HTR2C: variants seen among roughly 807,000 people sequenced by gnomAD.
HTR2C encodes 5-hydroxytryptamine receptor 2C.
In HTR2C, 5 loss-of-function variants were observed where a neutral mutation model predicts 21.0. The ratio of observed to expected loss-of-function variants is 0.24; its 90% CI spans 0.12 to 0.50. The LOEUF (loss-of-function observed/expected upper bound fraction) is 0.50, where lower values mean the gene tolerates loss of function less well. Ranked by LOEUF, HTR2C falls within the 20% of genes least tolerant of loss-of-function variation. HTR2C has a pLI of 0.98. For synonymous variants in HTR2C, 150 were observed against 145.3 expected (o/e 1.03, Z -0.23); for missense variants, 271 against 371.2 (o/e 0.73, Z 2.22).
chrX:114,687,899 AT>A (rs1159572863), intron 2 of HTR2C, among the ~76,000 whole-genome samples: 5 of 112,061 alleles, frequency 4.5e-5, no homozygotes, highest in African/African-American at 6.5e-5. Context: ...ATGGTTATAA[AT>A]ATTAAAACGG....
chrX:114,609,407 G>A (rs1277130165), intron 1 of HTR2C, among the ~76,000 whole-genome samples: 1 of 111,039 alleles, frequency 9.0e-6, no homozygotes, highest in African/African-American at 3.3e-5. Context: ...GAATATAATC[G>A]TTTTCGTTAT....
chrX:114,755,260 C>T (rs1163961114), intron 4 of HTR2C, among the ~76,000 whole-genome samples: 3 of 106,975 alleles, frequency 2.8e-5, no homozygotes, highest in Non-Finnish European at 3.9e-5. Flanking sequence ...AAAAAAAACA[C>T]GGAAATTTAT....
chrX:114,752,000 C>T (rs2069764601), intron 4 of HTR2C, among the ~76,000 whole-genome samples: 2 of 111,845 alleles, frequency 1.8e-5, no homozygotes, highest in African/African-American at 6.5e-5. Context: ...AAGACTAAGA[C>T]CGTTAAACTT....
intron 4 of HTR2C, among the ~76,000 whole-genome samples, chrX:114,814,120 A>T (rs2070560146): frequency 1.8e-5 from 2 of 110,325 alleles, no homozygotes; most frequent in South Asian, 7.9e-4. Context: ...TATATTACAG[A>T]TGTCATTCTA....
intron 3 of HTR2C, among the ~76,000 whole-genome samples, chrX:114,730,199 G>A (rs782576198): frequency 2.7e-5 from 3 of 111,557 alleles, no homozygotes; most frequent in African/African-American, 6.5e-5. Context: ...TACATAACTC[G>A]AATAAATCTC....
intron 5 of HTR2C, among the ~76,000 whole-genome samples, chrX:114,874,719 G>A (rs1473853890): frequency 9.0e-6 from 1 of 111,043 alleles, no homozygotes; most frequent in Non-Finnish European, 1.9e-5. Context: ...ATGTTGGCCA[G>A]GCTGGTCTCA....
chrX:114,642,926 A>G (rs1556406760), intron 2 of HTR2C, among the ~76,000 whole-genome samples: 1 of 111,844 alleles, frequency 8.9e-6, no homozygotes, highest in East Asian at 2.8e-4. Context: ...ATGATTTTAT[A>G]ATTATCTTCC....
intron 3 of HTR2C, among the ~76,000 whole-genome samples, chrX:114,729,808 T>C (rs191703894): frequency 1.8e-5 from 2 of 111,137 alleles, no homozygotes; most frequent in African/African-American, 6.5e-5. Context: ...AAATACATAA[T>C]ATGGAGAACA....
At chrX:114,848,864 A>G (rs1356219178) in intron 5 of HTR2C, among the ~76,000 whole-genome samples, 1 of 111,713 alleles carries the variant, frequency 9.0e-6, no homozygotes, top group Non-Finnish European at 1.9e-5. Flanking sequence ...AAATGCCTTA[A>G]CAGTGCTAAT....
At chrX:114,833,924 G>T (rs782251801) in intron 4 of HTR2C, among the ~76,000 whole-genome samples, 1 of 108,911 alleles carries the variant, frequency 9.2e-6, no homozygotes, top group East Asian at 2.9e-4. Flanking sequence ...TGGTTTCAAA[G>T]AACATCTTTA....
intron 1 of HTR2C, among the ~76,000 whole-genome samples, chrX:114,591,467 T>C (rs1556391155): frequency 8.9e-6 from 1 of 111,866 alleles, no homozygotes; most frequent in Non-Finnish European, 1.9e-5. Context: ...TATTCATTGA[T>C]ACAATGACTT....
At chrX:114,871,853 A>T (rs2071094704) in intron 5 of HTR2C, among the ~76,000 whole-genome samples, 1 of 98,193 alleles carries the variant, frequency 1.0e-5, no homozygotes, top group African/African-American at 3.8e-5. Context: ...ACTTATAGGT[A>T]TTTTCATATT....
chrX:114,909,710 G>A lies in HTR2C; in HGVS notation c.*2295G>A, dbSNP rs970376229. 8.9e-6 allele frequency: 1 copy of A among 112,216 alleles called. No individual in the cohort carries two copies. The highest frequency in any genetic ancestry group is 9.5e-5 in the Admixed American group (1 of 10,567). 9.2% of individuals were successfully genotyped at this position (112,216 alleles called of 1,213,427 possible). On this transcript the variant is annotated 3_prime_UTR_variant, in exon 6 of 6. Coordinates refer to ENST00000276198, the MANE Select transcript of HTR2C (RefSeq NM_000868.4). ...ATTATCCTCAAGTTGTGTGCTATTC[G>A]TAAGTTCTGTGCAGTTTGGTATGAA...
intron 2 of HTR2C, among the ~76,000 whole-genome samples, chrX:114,709,563 G>T (rs1187848694): frequency 8.9e-6 from 1 of 112,136 alleles, no homozygotes; most frequent in African/African-American, 3.2e-5. Context: ...ACAGAGTTTT[G>T]CATAAACAAC....
chrX:114,590,903 C>T (rs1031883561), intron 1 of HTR2C, among the ~76,000 whole-genome samples: 3 of 111,405 alleles, frequency 2.7e-5, no homozygotes, highest in Non-Finnish European at 3.8e-5. Flanking sequence ...ACCCATTTTG[C>T]GGTATGGGTT....
intron 4 of HTR2C, among the ~76,000 whole-genome samples, chrX:114,806,823 T>C (rs913000603): frequency 9.9e-6 from 1 of 100,784 alleles, no homozygotes; most frequent in African/African-American, 3.6e-5. Context: ...ATATACTGTA[T>C]ATATATACAC....
intron 2 of HTR2C, among the ~76,000 whole-genome samples, chrX:114,666,245 C>A (rs1556410873): frequency 8.9e-6 from 1 of 111,826 alleles, no homozygotes; most frequent in African/African-American, 3.2e-5. Flanking sequence ...ATGTTCTGAG[C>A]TTGATTTCTT....
chrX:114,718,956 T>C (rs1419937212), intron 2 of HTR2C, among the ~76,000 whole-genome samples: 1 of 91,859 alleles, frequency 1.1e-5, no homozygotes, highest in Non-Finnish European at 2.1e-5. Context: ...ATTATATTAA[T>C]ATTAATATTA....
chrX:114,645,379 T>C (rs985748014), intron 2 of HTR2C, among the ~76,000 whole-genome samples: 14 of 109,436 alleles, frequency 1.3e-4, no homozygotes, highest in African/African-American at 4.3e-4. Flanking sequence ...TATGAGAAAA[T>C]GTAGTGGACA....
Sources: gnomAD v4.1 joint callset for allele counts (sites outside exome capture counted in the v4.1 genomes callset) on GRCh38, gnomAD v4.1.1 for gene constraint, MANE v1.5 for transcripts, NCBI Gene and HGNC (gene_info 2026-07-23, HGNC 2026-07-21) for gene names.